The following BEAN1 variants were observed in gnomAD, a reference collection of about 807,000 sequenced individuals.
BEAN1 encodes protein BEAN1.
In BEAN1, 17 loss-of-function variants were observed where a neutral mutation model predicts 17.7. The ratio of observed to expected loss-of-function variants is 0.96; its 90% CI spans 0.66 to 1.44. BEAN1 has a LOEUF of 1.44. Ranked by LOEUF, BEAN1 falls within the 40% of genes most tolerant of loss-of-function variation. BEAN1 has a pLI of 0.00. For synonymous variants in BEAN1, 142 were observed against 151.8 expected, an observed-to-expected ratio of 0.94 and a Z score of 0.47; for missense variants, 359 against 374.1, an observed-to-expected ratio of 0.96 and a Z score of 0.33.
At chr16:66,445,325 A>T (rs2097476711) in intron 2 of BEAN1, among the ~76,000 whole-genome samples, 1 of 151,764 alleles carries the variant, frequency 6.6e-6, no homozygotes, top group South Asian at 2.1e-4. Context: ...AAATACAAAA[A>T]ATTAGCCGGG....
downstream of BEAN1, chr16:66,485,122 G>C (rs1320155985): frequency 2.2e-6 from 1 of 453,776 alleles, no homozygotes; most frequent in Non-Finnish European, 4.4e-6. Flanking sequence ...TACAGAGTAA[G>C]GCTGTTCACA....
At chr16:66,478,131 A>C (rs890815915) in intron 4 of BEAN1, 1 of 158,566 alleles carries the variant, frequency 6.3e-6, no homozygotes, top group African/African-American at 2.4e-5. Flanking sequence ...GGGAAAAAAA[A>C]CTGTATTGTG....
intron 1 of BEAN1, among the ~76,000 whole-genome samples, chr16:66,435,195 G>A (rs757646723): frequency 2.0e-5 from 3 of 152,166 alleles, no homozygotes; most frequent in Non-Finnish European, 2.9e-5. Context: ...AGGGCAGCCG[G>A]TCTCTGGGGG....
chr16:66,469,616 C>T lies in BEAN1; in HGVS notation c.40C>T (p.Arg14Cys), dbSNP rs1012717845. ...KRPCPLARYN[R>C]TSYFYPTFSE... ...TCTGTCCACAGTAGCACGATACAAC[C>T]GCACCAGCTACTTCTACCCCACATT... The change falls in exon 3 of 5, where the codon CGC (arginine) becomes TGC (cysteine). Residue 14 changes from arginine (R) to cysteine (C), a missense_variant. By Grantham distance (180) the Arg-to-Cys change is radical. Transcript: ENST00000536005. The T allele has an allele frequency of 3.4e-5, 52 of 1,535,822 alleles. No homozygotes were observed. In the East Asian group the frequency reaches 1.0e-3, roughly 30 times the overall value.
At chr16:66,440,678 C>T (rs1045095804) in intron 2 of BEAN1, among the ~76,000 whole-genome samples, 51 of 152,188 alleles carry the variant, frequency 3.4e-4, no homozygotes, top group African/African-American at 1.2e-3. Flanking sequence ...CCGCTTTCAG[C>T]GGCAGCCTCT....
chr16:66,446,158 G>GATCTCCA (rs1351949962), intron 2 of BEAN1, among the ~76,000 whole-genome samples: 1 of 152,030 alleles, frequency 6.6e-6, no homozygotes, highest in East Asian at 1.9e-4. Context: ...TCTCCAGCCT[G>GATCTCCA]GGTGATAGAG....
At position 66,434,679 on chromosome 16, in the gene BEAN1, G is replaced by A. The variant is rs185573684; in HGVS notation, c.-82-2916G>A. Among the ~76,000 whole-genome samples, 2 of 152,238 alleles carry A rather than the reference G, an allele frequency of 1.3e-5. No individual in the cohort carries two copies. The highest frequency in any genetic ancestry group is 3.9e-4 in the East Asian group (2 of 5,160). Reference sequence around the variant, plus strand: ...ATGGCATTGCAGGAGGCAGGGAGTGGCAGCCCGGGTTACTGTTGGCATCGT... The same window carrying A: ...ATGGCATTGCAGGAGGCAGGGAGTGACAGCCCGGGTTACTGTTGGCATCGT... On this transcript the variant is annotated intron_variant, in intron 1 of 4. Coordinates refer to ENST00000536005, the MANE Select transcript of BEAN1 (RefSeq NM_001178020.3). This position sits in a 1 kb window ranked among gnomAD's most constrained non-coding sequence, Gnocchi z 4.3.
intron 2 of BEAN1, chr16:66,451,497 T>C (rs1227225483): frequency 2.0e-5 from 3 of 152,228 alleles, no homozygotes; most frequent in African/African-American, 7.2e-5. Flanking sequence ...TGTGTCCTGT[T>C]TAAGAAATGC....
chr16:66,480,128 G>A (rs1963929161), intron 4 of BEAN1, among the ~76,000 whole-genome samples: 1 of 152,130 alleles, frequency 6.6e-6, no homozygotes, highest in Non-Finnish European at 1.5e-5. Context: ...GGGGCAATGG[G>A]TGCTCTTTTG....
chr16:66,479,758 G>A (rs559024971), intron 4 of BEAN1, among the ~76,000 whole-genome samples: 5 of 152,212 alleles, frequency 3.3e-5, no homozygotes, highest in African/African-American at 9.6e-5. Context: ...CTCAGCTCCT[G>A]AGGACCCCAG....
chr16:66,445,723 G>T (rs553926943), intron 2 of BEAN1, among the ~76,000 whole-genome samples: 2 of 152,080 alleles, frequency 1.3e-5, no homozygotes, highest in Admixed American at 1.3e-4. Flanking sequence ...GGTACCAGAG[G>T]CAGTAGGGAC....
rs775500219 is a variant in BEAN1 at position 66,492,103 on chromosome 16, G to A, written c.148-859G>A. On this transcript the variant is annotated intron_variant, in intron 4 of 4. Transcript: ENST00000561796. Reference sequence around the variant, plus strand: ...GTCACCCAGGCTGGAGTACAGTGGCGCGATCTTGGCTCACTGCAACTTCTG... The same window carrying A: ...GTCACCCAGGCTGGAGTACAGTGGCACGATCTTGGCTCACTGCAACTTCTG... Among the ~76,000 whole-genome samples the A allele has an allele frequency of 2.6e-5, 4 of 152,022 alleles. No individual in the cohort carries two copies. The South Asian group carries it at 6.2e-4, about 24-fold the overall frequency.
At chr16:66,445,154 T>C (rs575287154) in intron 2 of BEAN1, among the ~76,000 whole-genome samples, 14 of 151,558 alleles carry the variant, frequency 9.2e-5, no homozygotes, top group East Asian at 3.9e-4. Flanking sequence ...ATATGTCAAA[T>C]TGGGGGAGGA....
intron 1 of BEAN1, among the ~76,000 whole-genome samples, chr16:66,436,473 T>C (rs981936771): frequency 2.0e-5 from 3 of 149,700 alleles, no homozygotes; most frequent in Non-Finnish European, 4.4e-5. Flanking sequence ...AGAGACGGGG[T>C]TTCACCGTGT....
intron 4 of BEAN1, among the ~76,000 whole-genome samples, chr16:66,478,770 G>A (rs912415560): frequency 2.0e-5 from 3 of 152,184 alleles, no homozygotes; most frequent in Non-Finnish European, 4.4e-5. Context: ...GGAGGACGAG[G>A]GGAGGGGATC....
At chr16:66,447,610 G>A (rs1962503805) in intron 2 of BEAN1, among the ~76,000 whole-genome samples, 2 of 152,164 alleles carry the variant, frequency 1.3e-5, no homozygotes, top group African/African-American at 4.8e-5. Context: ...GAGGCAGCTT[G>A]GCAAGGTGGC....
intron 2 of BEAN1, among the ~76,000 whole-genome samples, chr16:66,442,071 G>C (rs1962281138): frequency 6.6e-6 from 1 of 152,228 alleles, no homozygotes; most frequent in Admixed American, 6.5e-5. Flanking sequence ...GCAGCCCAGA[G>C]GGGTTTTGGC....
chr16:66,466,913 A>T (rs1193211977), intron 2 of BEAN1, among the ~76,000 whole-genome samples: 14 of 152,204 alleles, frequency 9.2e-5, no homozygotes, highest in Admixed American at 9.2e-4. Context: ...ACTTATCACC[A>T]AAGTGAGGCA....
exon 5 of BEAN1, chr16:66,493,333 G>T (rs117499742): frequency 1.5e-6 from 1 of 687,084 alleles, no homozygotes; most frequent in East Asian, 2.7e-5. Flanking sequence ...GGTCCGAGAC[G>T]GCCCTGGCAG....
Sources: gnomAD v4.1 joint callset for allele counts (sites outside exome capture counted in the v4.1 genomes callset) on GRCh38, gnomAD v4.1.1 for gene constraint, Gnocchi (gnomAD v3.1) non-coding constraint, MANE v1.5 for transcripts, NCBI Gene and HGNC (gene_info 2026-07-23, HGNC 2026-07-21) for gene names.